The following FBXO42 variants were observed in gnomAD, a reference collection of about 807,000 sequenced individuals.
FBXO42 encodes F-box only protein 42.
In FBXO42, 12 loss-of-function variants were observed where a neutral mutation model predicts 71.7. The ratio of observed to expected loss-of-function variants is 0.17; its 90% confidence interval spans 0.11 to 0.27. The LOEUF is 0.27. Ranked by LOEUF, FBXO42 falls within the 10% of genes least tolerant of loss-of-function variation. The pLI, the probability that FBXO42 is intolerant of heterozygous loss-of-function variation, is 1.00. For missense variants in FBXO42, 707 were observed against 911.9 expected, an observed-to-expected ratio of 0.78 and a Z score of 2.89; for synonymous variants, 325 against 327.5, an observed-to-expected ratio of 0.99 and a Z score of 0.08.
Position 16,258,508 on chromosome 1 carries a change from C to T in FBXO42, c.503-1749G>A, listed in dbSNP as rs191989652. Among the ~76,000 whole-genome samples the T allele has an allele frequency of 1.5e-3, 223 of 151,926 alleles. 1 individual carries two copies. Among genetic ancestry groups the T allele is most frequent in the Middle Eastern group, 6.8e-3 (2 of 294 alleles). On this transcript the variant is annotated intron_variant, in intron 4 of 9. Coordinates refer to ENST00000375592, the MANE Select transcript of FBXO42 (RefSeq NM_018994.3). ...AATAGCTAGGAATACAGGCAAGCACCACCATGCCCGACTAATTTTTAAATT... is the reference window on the plus strand; with the variant it reads ...AATAGCTAGGAATACAGGCAAGCACTACCATGCCCGACTAATTTTTAAATT...
chr1:16,292,795 G>C (rs1372205459), intron 4 of FBXO42: 1 of 152,160 alleles, frequency 6.6e-6, no homozygotes, highest in Non-Finnish European at 1.5e-5. Context: ...ATAGTATTTT[G>C]TGACTGAAAC....
intron 1 of FBXO42, among the ~76,000 whole-genome samples, chr1:16,319,920 A>C (rs980134004): frequency 2.0e-5 from 3 of 151,316 alleles, no homozygotes; most frequent in Non-Finnish European, 2.9e-5. Flanking sequence ...TAAAAAAAAA[A>C]AGAAAAAGAA....
At chr1:16,329,842 G>A (rs894536112) in intron 1 of FBXO42, among the ~76,000 whole-genome samples, 21 of 151,828 alleles carry the variant, frequency 1.4e-4, no homozygotes, top group Middle Eastern at 3.4e-3. Context: ...CCAGCTACTC[G>A]GGAGGCTGAG....
chr1:16,315,235 G>A lies in FBXO42; in HGVS notation c.184C>T (p.Leu62Phe). The A allele has an allele frequency of 6.2e-7, 1 of 1,614,106 alleles. No individual in the cohort carries two copies. The highest frequency in any genetic ancestry group is 8.5e-7 in the Non-Finnish European group (1 of 1,179,998). Reference protein sequence around the residue: ...EEVLEYILSFLSPYQEHKTAA... With the variant: ...EEVLEYILSFFSPYQEHKTAA... ...GTTTTGTGTTCCTGATACGGTGAGA[G>A]AAAGGACAGGATATACTCCAAAACC... Residue 62 changes from leucine (L) to phenylalanine (F), a missense_variant, in exon 2 of 10, where the codon CTC becomes TTC. By Grantham distance (22) the Leu-to-Phe change is conservative. This residue lies in a region of FBXO42 where 188 missense variants were observed against 230.5 expected (regional missense o/e 0.82). Transcript: ENST00000375592.
chr1:16,314,442 C>G (rs1442833336), intron 2 of FBXO42, among the ~76,000 whole-genome samples: 1 of 152,110 alleles, frequency 6.6e-6, no homozygotes, highest in Non-Finnish European at 1.5e-5. Flanking sequence ...ATTTACTATC[C>G]GTGTAAATAA....
Position 16,294,801 on chromosome 1 carries a change from T to C in FBXO42, c.484A>G (p.Ile162Val). 1.2e-6 allele frequency: 2 copies of C among 1,614,016 alleles called. No individual in the cohort carries two copies. Among genetic ancestry groups the C allele is most frequent in the Non-Finnish European group, 1.7e-6 (2 of 1,179,966 alleles). The change falls in exon 4 of 10, where the codon ATC becomes GTC. Residue 162 changes from isoleucine to valine, a missense_variant. Coordinates refer to ENST00000375592, the MANE Select transcript of FBXO42 (RefSeq NM_018994.3). ...WRLDLNSKEW[I>V]RPLASGSYPS... ...CTCTTACCTGAAGCCAAAGGTCGGA[T>C]CCACTCTTTGCTGTTTAGGTCAAGT...
chr1:16,320,545 C>T (rs2082403379), intron 1 of FBXO42, among the ~76,000 whole-genome samples: 1 of 151,712 alleles, frequency 6.6e-6, no homozygotes, highest in African/African-American at 2.4e-5. Context: ...ACTCTGTCAC[C>T]CAGGCTGGAG....
intron 3 of FBXO42, among the ~76,000 whole-genome samples, chr1:16,295,862 T>C (rs532459275): frequency 1.3e-5 from 2 of 152,090 alleles, no homozygotes; most frequent in East Asian, 1.9e-4. Context: ...AAGCAACAGA[T>C]TGAAAAAGCA....
intron 1 of FBXO42, among the ~76,000 whole-genome samples, chr1:16,329,163 A>C (rs1437568007): frequency 2.2e-5 from 2 of 89,356 alleles, no homozygotes; most frequent in African/African-American, 4.9e-5. Context: ...ACTCTGTCTC[A>C]AAAAAAAAAA....
rs1553151074 is a variant in FBXO42 at position 16,279,854 on chromosome 1, C to CT, written c.502+14928dup. Among the ~76,000 whole-genome samples the CT allele has an allele frequency of 1.5e-3, 214 of 138,188 alleles. 5 individuals carry two copies. The highest frequency in any genetic ancestry group is 5.3e-3 in the African/African-American group (192 of 36,554). 90.7% of individuals were successfully genotyped at this position (138,188 alleles called of 152,430 possible). A position where few individuals can be genotyped will look rare whatever the true frequency, so the allele number is the denominator to read the frequency against. On this transcript the variant is annotated intron_variant, in intron 4 of 9. Coordinates refer to ENST00000375592, the MANE Select transcript of FBXO42 (RefSeq NM_018994.3). ...TCATGTTGACAATGGTTTTTTTTTT[C>CT]TTTTTTTTTTGAGACAGAGTCTTGC...
rs2081548271 is a variant in FBXO42, at chr1:16,247,686, T to G, written c.*2984A>C. The G allele has an allele frequency of 6.6e-6, 1 of 152,214 alleles. No individual in the cohort carries two copies. Among genetic ancestry groups the G allele is most frequent in the Admixed American group, 6.5e-5 (1 of 15,282 alleles). 9.4% of individuals were successfully genotyped at this position (152,214 alleles called of 1,614,324 possible). ...AGCTGGGAGGAGAGTAAGCCCAGTATGCCCTAAAATGAAATTTAAGCTTGT... is the reference window on the plus strand; with the variant it reads ...AGCTGGGAGGAGAGTAAGCCCAGTAGGCCCTAAAATGAAATTTAAGCTTGT... On this transcript the variant is annotated 3_prime_UTR_variant, in exon 10 of 10. Coordinates refer to ENST00000375592, the MANE Select transcript of FBXO42 (RefSeq NM_018994.3).
intron 4 of FBXO42, among the ~76,000 whole-genome samples, chr1:16,279,768 T>C (rs903013188): frequency 3.3e-5 from 5 of 151,484 alleles, no homozygotes; most frequent in Non-Finnish European, 5.9e-5. Context: ...AACTCTACAG[T>C]GGAAAATCAA....
chr1:16,250,422 C>G lies in FBXO42; in HGVS notation c.*248G>C, dbSNP rs2100420313. The G allele has an allele frequency of 6.4e-6, 1 of 156,912 alleles. No homozygotes were observed. Among genetic ancestry groups the G allele is most frequent in the South Asian group, 2.0e-4 (1 of 4,904 alleles). 9.7% of individuals were successfully genotyped at this position (156,912 alleles called of 1,614,324 possible). On this transcript the variant is annotated 3_prime_UTR_variant, in exon 10 of 10. Coordinates refer to ENST00000375592, the MANE Select transcript of FBXO42 (RefSeq NM_018994.3). The surrounding 1 kb of genome is among the most constrained non-coding windows in gnomAD (Gnocchi z 4.7). Reference sequence around the variant, plus strand: ...TGTTAAAACACAGCAACAACTTTATCTGAACCAGGATGGAAATCTCTCCCT... The same window carrying G: ...TGTTAAAACACAGCAACAACTTTATGTGAACCAGGATGGAAATCTCTCCCT...
chr1:16,281,481 T>G (rs1406022262), intron 4 of FBXO42, among the ~76,000 whole-genome samples: 2 of 150,418 alleles, frequency 1.3e-5, no homozygotes, highest in East Asian at 1.9e-4. Flanking sequence ...TGTTTTTTTT[T>G]TTTTTTGAGA....
chr1:16,314,970 G>A (rs1473782046), intron 2 of FBXO42, among the ~76,000 whole-genome samples, 199 bp downstream of exon 2: 1 of 151,856 alleles, frequency 6.6e-6, no homozygotes, highest in East Asian at 1.9e-4. Context: ...ATTTTAAAAT[G>A]CAAATGGGAT....
intron 4 of FBXO42, among the ~76,000 whole-genome samples, chr1:16,283,872 C>A (rs1052723249): frequency 3.9e-5 from 6 of 152,046 alleles, no homozygotes; most frequent in African/African-American, 1.4e-4. Flanking sequence ...TTTTGAAAAT[C>A]AGAATACTCC....
chr1:16,262,773 G>A lies in FBXO42; in HGVS notation c.503-6014C>T, dbSNP rs533190882. Among the ~76,000 whole-genome samples, 10 of 152,056 alleles carry A rather than the reference G, an allele frequency of 6.6e-5. No homozygotes were observed. In the South Asian group the frequency reaches 1.0e-3, roughly 16 times the overall value. On this transcript the variant is annotated intron_variant, in intron 4 of 9. Transcript: ENST00000375592. ...GAGTCTGGAGTGCAGTGGCGTAATCGATCTCAGCTCACTGCAACTCCGACT... is the reference window on the plus strand; with the variant it reads ...GAGTCTGGAGTGCAGTGGCGTAATCAATCTCAGCTCACTGCAACTCCGACT...
chr1:16,283,602 A>G (rs1016894273), intron 4 of FBXO42, among the ~76,000 whole-genome samples: 14 of 147,134 alleles, frequency 9.5e-5, no homozygotes, highest in African/African-American at 3.5e-4. Flanking sequence ...GGTTCAAGCA[A>G]TTCCCTGCCT....
Position 16,317,407 on chromosome 1 carries a change from C to T in FBXO42, c.-17-1972G>A, listed in dbSNP as rs182108285. On this transcript the variant is annotated intron_variant, in intron 1 of 9. Transcript: ENST00000375592. ...TCCAGCCTGGGCAATAGAGTGAGATCGTCTCAACAAACAAACAAACAAACA... is the reference window on the plus strand; with the variant it reads ...TCCAGCCTGGGCAATAGAGTGAGATTGTCTCAACAAACAAACAAACAAACA... Among the ~76,000 whole-genome samples, 37 of 148,696 alleles carry T rather than the reference C, an allele frequency of 2.5e-4. No homozygotes were observed. The East Asian group carries it at 5.3e-3, about 21-fold the overall frequency.
Sources: gnomAD v4.1 joint callset for allele counts (sites outside exome capture counted in the v4.1 genomes callset) on GRCh38, gnomAD v4.1.1 for gene constraint, gnomAD v4.1.1 regional missense constraint, Gnocchi (gnomAD v3.1) non-coding constraint, MANE v1.5 for transcripts, NCBI Gene and HGNC (gene_info 2026-07-23, HGNC 2026-07-21) for gene names.